MEGF10: variants seen among roughly 807,000 people sequenced by gnomAD.
The protein encoded by MEGF10 is multiple epidermal growth factor-like domains protein 10.
MEGF10 carries 86 observed loss-of-function variants against 147.5 expected under a neutral mutation model. The observed-to-expected ratio is 0.58, with a 90% CI of 0.49 to 0.70. The LOEUF is 0.70. Ranked by LOEUF, MEGF10 falls within the 30% of genes least tolerant of loss-of-function variation. The pLI is 0.00. For missense variants in MEGF10, 1,329 were observed against 1,487.3 expected (o/e 0.89, Z 1.75); for synonymous variants, 478 against 525.5 (o/e 0.91, Z 1.24).
At chr5:127,322,456 A>G (rs566503496) in intron 1 of MEGF10, among the ~76,000 whole-genome samples, 2 of 152,300 alleles carry the variant, frequency 1.3e-5, no homozygotes, top group Admixed American at 1.3e-4. Flanking sequence ...GGAGTCTTCA[A>G]TAATGCTATC....
intron 2 of MEGF10, 118 bp from the exon 3 acceptor site, chr5:127,339,002 A>T: frequency 2.0e-6 from 1 of 508,064 alleles, no homozygotes; most frequent in Non-Finnish European, 3.3e-6. Context: ...ATTGTCTGTT[A>T]AAAGTCACTA....
At chr5:127,399,832 T>C (rs945340254) in intron 7 of MEGF10, among the ~76,000 whole-genome samples, 4 of 152,238 alleles carry the variant, frequency 2.6e-5, no homozygotes, top group African/African-American at 9.6e-5. Flanking sequence ...GTCTTGTTCT[T>C]CTCTTTTCTC....
At chr5:127,330,727 T>C (rs1328065171) in intron 1 of MEGF10, among the ~76,000 whole-genome samples, 1 of 152,194 alleles carries the variant, frequency 6.6e-6, no homozygotes, top group African/African-American at 2.4e-5. Flanking sequence ...TATAAGTATC[T>C]TAACAGGCAG....
chr5:127,363,041 T>A (rs1220563008), intron 4 of MEGF10, among the ~76,000 whole-genome samples: 1 of 152,204 alleles, frequency 6.6e-6, no homozygotes, highest in Non-Finnish European at 1.5e-5. Flanking sequence ...GAGGTATGTA[T>A]CTAATGGCCA....
chr5:127,437,960 A>T (rs1033406103), intron 16 of MEGF10, among the ~76,000 whole-genome samples: 7 of 152,090 alleles, frequency 4.6e-5, no homozygotes, highest in African/African-American at 1.7e-4. Context: ...TCCCAAAATT[A>T]TTGTCTTCCT....
intron 5 of MEGF10, among the ~76,000 whole-genome samples, chr5:127,395,745 C>T (rs1047035979): frequency 2.0e-5 from 3 of 151,932 alleles, no homozygotes; most frequent in Non-Finnish European, 2.9e-5. Context: ...GGGGTTTCAC[C>T]GTGTTAGCCA....
chr5:127,415,300 A>G (rs979766145), intron 9 of MEGF10, among the ~76,000 whole-genome samples: 9 of 152,190 alleles, frequency 5.9e-5, no homozygotes, highest in African/African-American at 2.2e-4. Flanking sequence ...CACTCTTAAA[A>G]ATGCCCTGGT....
chr5:127,379,833 C>G (rs1763183614), intron 5 of MEGF10, among the ~76,000 whole-genome samples: 2 of 151,974 alleles, frequency 1.3e-5, no homozygotes, highest in South Asian at 2.1e-4. Flanking sequence ...CTCCTGACCT[C>G]AAGAGATCTG....
Position 127,457,423 on chromosome 5 carries a change from G to T in MEGF10, c.*105G>T. On this transcript the variant is annotated 3_prime_UTR_variant, in exon 25 of 25. Coordinates refer to ENST00000503335, the MANE Select transcript of MEGF10 (RefSeq NM_001256545.2). Reference sequence around the variant, plus strand: ...TTTCATGTGAATGTTAGTCAATTCGGTGGGCAATTTTTGGACATGAACCAG... The same window carrying T: ...TTTCATGTGAATGTTAGTCAATTCGTTGGGCAATTTTTGGACATGAACCAG... 7.8e-7 allele frequency: 1 copy of T among 1,286,722 alleles called. No individual in the cohort carries two copies. Among genetic ancestry groups the T allele is most frequent in the Non-Finnish European group, 1.0e-6 (1 of 957,626 alleles). 79.7% of individuals were successfully genotyped at this position (1,286,722 alleles called of 1,614,324 possible).
Position 127,460,286 on chromosome 5 carries a change from C to A in MEGF10, c.*2968C>A, listed in dbSNP as rs763732033. 2.6e-5 allele frequency: 4 copies of A among 152,130 alleles called. No homozygotes were observed. The highest frequency in any genetic ancestry group is 5.9e-5 in the Non-Finnish European group (4 of 68,010). 9.4% of individuals were successfully genotyped at this position (152,130 alleles called of 1,614,324 possible). A position where few individuals can be genotyped will look rare whatever the true frequency, so the allele number is the denominator to read the frequency against. On this transcript the variant is annotated 3_prime_UTR_variant, in exon 25 of 25. Transcript: ENST00000503335. ...ATCAGAACTTGCCCACATGATAACT[C>A]ATGTTTGCTTTAATAAGGAAAATAT... is the stretch of plus-strand genomic sequence containing the variant.
the MEGF10 span, among the ~76,000 whole-genome samples, chr5:127,246,454 C>G: frequency 0.052 from 7,950 of 151,576 alleles, 373 homozygotes; most frequent in African/African-American, 0.12. Context: ...GGGCCTGTTG[C>G]GGGGTGGGGA....
the MEGF10 span, among the ~76,000 whole-genome samples, chr5:127,267,926 C>A: frequency 6.6e-6 from 1 of 152,064 alleles, no homozygotes; most frequent in Non-Finnish European, 1.5e-5. Flanking sequence ...TCCTTCAGTT[C>A]TTCTCTGATC....
intron 5 of MEGF10, among the ~76,000 whole-genome samples, chr5:127,375,840 T>C (rs1452602102): frequency 6.6e-6 from 1 of 152,236 alleles, no homozygotes; most frequent in Admixed American, 6.5e-5. Flanking sequence ...AGGAACCATA[T>C]GATTCTATAT....
chr5:127,433,969 A>C (rs1022281610), intron 14 of MEGF10, among the ~76,000 whole-genome samples: 1 of 152,246 alleles, frequency 6.6e-6, no homozygotes, highest in African/African-American at 2.4e-5. Flanking sequence ...TGGAATTGCA[A>C]AGTTGAAAAA....
intron 1 of MEGF10, among the ~76,000 whole-genome samples, chr5:127,297,880 C>T (rs767783727): frequency 2.0e-5 from 3 of 152,078 alleles, no homozygotes; most frequent in Non-Finnish European, 4.4e-5. Context: ...AATGAGAAAA[C>T]TGTTCTTCCT....
the MEGF10 span, among the ~76,000 whole-genome samples, chr5:127,274,910 CCT>C: frequency 6.6e-6 from 1 of 151,900 alleles, no homozygotes; most frequent in East Asian, 1.9e-4. Flanking sequence ...GATCCATATC[CCT>C]CTCATTTTTC....
rs139262530 is a variant in MEGF10, at chr5:127,397,820, A to G, written c.660-856A>G. 3.0e-3 allele frequency among the ~76,000 whole-genome samples: 453 copies of G among 152,346 alleles called. 4 individuals are homozygous for G. Among genetic ancestry groups the G allele is most frequent in the African/African-American group, 0.011 (440 of 41,592 alleles). On this transcript the variant is annotated intron_variant, in intron 6 of 24. Coordinates refer to ENST00000503335, the MANE Select transcript of MEGF10 (RefSeq NM_001256545.2). ...GACAAAGGCTTAAAGAAGAAGGGCC[A>G]TGCGACACGTGGGTGGGTGAGGGAA...
At chr5:127,391,103 CA>C in intron 5 of MEGF10, among the ~76,000 whole-genome samples, 1 of 20,328 alleles carries the variant, frequency 4.9e-5, no homozygotes, top group Non-Finnish European at 1.7e-4. Context: ...CGCGCGCGCG[CA>C]CACACACACA....
At chr5:127,254,631 C>T in the MEGF10 span, among the ~76,000 whole-genome samples, 8 of 151,218 alleles carry the variant, frequency 5.3e-5, no homozygotes, top group African/African-American at 9.7e-5. Flanking sequence ...GCAAACATGG[C>T]GAAACCTCGT....
Sources: gnomAD v4.1 joint callset for allele counts (sites outside exome capture counted in the v4.1 genomes callset) on GRCh38, gnomAD v4.1.1 for gene constraint, MANE v1.5 for transcripts, NCBI Gene and HGNC (gene_info 2026-07-23, HGNC 2026-07-21) for gene names.